Variants in CAST observed in about 807,000 individuals in gnomAD.
CAST encodes the protein calpastatin.
A neutral mutation model predicts 119.6 loss-of-function variants in CAST; 76 were observed. The ratio of observed to expected loss-of-function variants is 0.64; its 90% CI spans 0.53 to 0.77. CAST has a LOEUF of 0.77. Ranked by LOEUF, CAST falls within the 30% of genes least tolerant of loss-of-function variation. CAST has a pLI of 0.00. For missense variants in CAST, 953 were observed against 946.5 expected, an observed-to-expected ratio of 1.01 and a Z score of -0.09; for synonymous variants, 319 against 331.6, an observed-to-expected ratio of 0.96 and a Z score of 0.41.
the CAST span, among the ~76,000 whole-genome samples, chr5:96,222,230 C>T: frequency 6.6e-6 from 1 of 151,990 alleles, no homozygotes; most frequent in Non-Finnish European, 1.5e-5. Flanking sequence ...ACCTCAAAAG[C>T]ACAGCCAACT....
At chr5:96,545,538 G>T (rs566014917) in intron 1 of CAST, among the ~76,000 whole-genome samples, 2 of 152,290 alleles carry the variant, frequency 1.3e-5, no homozygotes, top group South Asian at 4.2e-4. Flanking sequence ...GATGGAAGAG[G>T]TCTAATCAAT....
rs780325052 is a variant in CAST, at chr5:96,746,417, C to T, written c.1276C>T (p.Pro426Ser). Residue 426 changes from proline to serine, a missense_variant, in exon 17 of 32, where the codon CCA (proline) becomes TCA (serine). By Grantham distance (74) the Pro-to-Ser change is moderately conservative. Coordinates refer to ENST00000675179, the MANE Select transcript of CAST (RefSeq NM_001750.7). ...AATCCCATCTGAGTACAGATTAAAA[C>T]CAGCCACGGTAAATTTTTAGCCACA... ...ETIPSEYRLKPATDKDGKPLL... is the reference protein window; with the variant it reads ...ETIPSEYRLKSATDKDGKPLL... The T allele has an allele frequency of 7.9e-5, 127 of 1,597,548 alleles. 1 individual carries two copies. The highest frequency in any genetic ancestry group is 1.0e-4 in the Non-Finnish European group (118 of 1,164,988).
the CAST span, among the ~76,000 whole-genome samples, chr5:96,070,670 CGTTGA>C: frequency 4.3e-5 from 4 of 93,248 alleles, no homozygotes; most frequent in African/African-American, 1.6e-4. Context: ...TTTTTGAATA[CGTTGA>C]ATTGAAGATA....
chr5:96,465,895 ATATC>A, the CAST span, among the ~76,000 whole-genome samples: 2 of 152,072 alleles, frequency 1.3e-5, no homozygotes, highest in Non-Finnish European at 2.9e-5. Flanking sequence ...ACATAGATCT[ATATC>A]TATTTCTATA....
the CAST span, among the ~76,000 whole-genome samples, chr5:96,055,407 T>G: frequency 2.0e-5 from 3 of 152,190 alleles, no homozygotes; most frequent in Admixed American, 6.5e-5. Context: ...AAATAAATGT[T>G]ACTAGATGGT....
At chr5:96,571,604 A>G (rs1355940356) in intron 1 of CAST, among the ~76,000 whole-genome samples, 1 of 152,192 alleles carries the variant, frequency 6.6e-6, no homozygotes, top group Non-Finnish European at 1.5e-5. Context: ...TCTGTTATCA[A>G]CAATCATTCC....
the CAST span, among the ~76,000 whole-genome samples, chr5:96,190,609 T>G: frequency 6.6e-6 from 1 of 152,160 alleles, no homozygotes; most frequent in Non-Finnish European, 1.5e-5. Context: ...AAGGCCTCAT[T>G]CCCCTTTGAA....
At chr5:96,447,526 T>C in the CAST span, among the ~76,000 whole-genome samples, 2 of 152,148 alleles carry the variant, frequency 1.3e-5, no homozygotes, top group African/African-American at 4.8e-5. Context: ...ATGAGCCCTC[T>C]GTGGAATTTA....
At chr5:96,046,324 G>A in the CAST span, among the ~76,000 whole-genome samples, 52 of 152,188 alleles carry the variant, frequency 3.4e-4, no homozygotes, top group African/African-American at 1.2e-3. Flanking sequence ...AATAGAACAA[G>A]GGAGAGATCT....
At chr5:96,236,942 G>C in the CAST span, among the ~76,000 whole-genome samples, 4 of 152,136 alleles carry the variant, frequency 2.6e-5, no homozygotes, top group Non-Finnish European at 4.4e-5. Flanking sequence ...CCTCTTTCCT[G>C]ATCCTTCATT....
the CAST span, among the ~76,000 whole-genome samples, chr5:96,380,493 TC>T: frequency 6.6e-6 from 1 of 152,146 alleles, no homozygotes; most frequent in Non-Finnish European, 1.5e-5. Context: ...TCATCGAACA[TC>T]ATTTTTACTT....
intron 1 of CAST, among the ~76,000 whole-genome samples, chr5:96,550,904 A>T (rs1437358072): frequency 6.6e-6 from 1 of 152,250 alleles, no homozygotes; most frequent in East Asian, 1.9e-4. Flanking sequence ...CCTCCAAGAA[A>T]TACGGGACTA....
the CAST span, among the ~76,000 whole-genome samples, chr5:96,299,068 C>T: frequency 4.9e-4 from 74 of 151,786 alleles, no homozygotes; most frequent in East Asian, 0.012. Flanking sequence ...GATGAAACTC[C>T]GTCTCTACTA....
At chr5:96,147,641 C>T in the CAST span, among the ~76,000 whole-genome samples, 1 of 147,490 alleles carries the variant, frequency 6.8e-6, no homozygotes, top group African/African-American at 2.5e-5. Flanking sequence ...AACAAAAACC[C>T]CAAAAAAACA....
At chr5:95,967,976 G>T in the CAST span, among the ~76,000 whole-genome samples, 1 of 152,156 alleles carries the variant, frequency 6.6e-6, no homozygotes, top group African/African-American at 2.4e-5. Context: ...CGCAGAAAGG[G>T]TATGTATCAC....
rs1554072530 is a variant in CAST, at chr5:96,648,714, A to ATGCG, written c.61-26822_61-26819dup. On this transcript the variant is annotated intron_variant, in intron 1 of 11. Transcript: ENST00000505143. ...ACTGGGAGAAGTTTTATTTATATAT[A>ATGCG]TGCGTGTGTGTGTGTGTGTGTGTGT... Among the ~76,000 whole-genome samples, 19 of 108,414 alleles carry ATGCG rather than the reference A, an allele frequency of 1.8e-4. No homozygotes were observed. In the East Asian group the frequency reaches 5.0e-3, roughly 29 times the overall value. The allele number at this position is 108,414 out of a possible 152,430, so 71.1% of individuals were successfully genotyped here. A position where few individuals can be genotyped will look rare whatever the true frequency, so the allele number is the denominator to read the frequency against.
intron 1 of CAST, among the ~76,000 whole-genome samples, chr5:96,556,327 A>T (rs2570460): frequency 6.6e-6 from 1 of 152,212 alleles, no homozygotes; most frequent in African/African-American, 2.4e-5. Flanking sequence ...AGGAATGCAG[A>T]TCCTCACCAG....
the CAST span, among the ~76,000 whole-genome samples, chr5:96,252,507 A>G: frequency 2.0e-5 from 3 of 152,106 alleles, no homozygotes; most frequent in Admixed American, 2.0e-4. Flanking sequence ...AGTGCCCAGA[A>G]TTTATACCAA....
At chr5:96,226,119 C>A in the CAST span, among the ~76,000 whole-genome samples, 1 of 152,186 alleles carries the variant, frequency 6.6e-6, no homozygotes, top group African/African-American at 2.4e-5. Flanking sequence ...CATTTCCAAA[C>A]CTGCAGAAAT....
Sources: gnomAD v4.1 joint callset for allele counts (sites outside exome capture counted in the v4.1 genomes callset) on GRCh38, gnomAD v4.1.1 for gene constraint, MANE v1.5 for transcripts, NCBI Gene and HGNC (gene_info 2026-07-23, HGNC 2026-07-21) for gene names.